Variants in YAF2 observed in about 807,000 individuals in gnomAD.
The protein encoded by YAF2 is YY1 associated factor 2.
Under a neutral mutation model 20.1 loss-of-function variants are expected in YAF2, and 7 were observed. The observed-to-expected ratio is 0.35, with a 90% confidence interval of 0.20 to 0.65. The LOEUF (loss-of-function observed/expected upper bound fraction) is 0.65. YAF2 is among the 30% of genes least tolerant of loss of function. The pLI is 0.69. For missense variants in YAF2, 151 were observed against 219.2 expected, an observed-to-expected ratio of 0.69 and a Z score of 1.96; for synonymous variants, 74 against 76.0, an observed-to-expected ratio of 0.97 and a Z score of 0.14.
At chr12:42,176,211 C>CAAA (rs61068649) in intron 2 of YAF2, among the ~76,000 whole-genome samples, 1 of 89,232 alleles carries the variant, frequency 1.1e-5, no homozygotes, top group African/African-American at 3.7e-5. Context: ...GACTCTGTCT[C>CAAA]AAAAAAAAAA....
chr12:42,235,879 G>C, intron 2 of YAF2: 1 of 1,536,060 alleles, frequency 6.5e-7, no homozygotes, highest in East Asian at 2.4e-5. Flanking sequence ...CCAGGTGCCA[G>C]GTATTCAGCC....
chr12:42,206,536 G>A (rs762768516), intron 2 of YAF2, among the ~76,000 whole-genome samples: 1 of 151,914 alleles, frequency 6.6e-6, no homozygotes, highest in Admixed American at 6.6e-5. Flanking sequence ...TTGAACCCAG[G>A]GGGTGGAGGT....
At chr12:42,165,063 A>G (rs1017456318) in intron 2 of YAF2, among the ~76,000 whole-genome samples, 16 of 142,260 alleles carry the variant, frequency 1.1e-4, no homozygotes, top group Admixed American at 2.8e-4. Flanking sequence ...TTCTGGAACA[A>G]AAAAAAAAAA....
intron 2 of YAF2, among the ~76,000 whole-genome samples, chr12:42,226,463 A>G (rs1179613578): frequency 2.6e-5 from 4 of 152,120 alleles, no homozygotes; most frequent in African/African-American, 9.7e-5. Flanking sequence ...GGAGTTCGAG[A>G]CCAGACTGGG....
chr12:42,214,727 G>T (rs2067305512), intron 2 of YAF2, among the ~76,000 whole-genome samples: 1 of 151,998 alleles, frequency 6.6e-6, no homozygotes, highest in Admixed American at 6.6e-5. Flanking sequence ...GAGCTGGCCA[G>T]GCACAGTGGC....
chr12:42,193,285 A>C (rs1392215449), intron 2 of YAF2, among the ~76,000 whole-genome samples: 4 of 151,506 alleles, frequency 2.6e-5, no homozygotes, highest in African/African-American at 7.3e-5. Flanking sequence ...GCTGCACCCC[A>C]GCCTGGGCGA....
At chr12:42,210,049 T>A (rs963824628) in intron 2 of YAF2, among the ~76,000 whole-genome samples, 5 of 152,306 alleles carry the variant, frequency 3.3e-5, no homozygotes, top group Admixed American at 6.5e-5. Context: ...CCACCCGCCT[T>A]GGCCTCCAAA....
chr12:42,210,813 A>G (rs2067187195), intron 2 of YAF2: 1 of 752,562 alleles, frequency 1.3e-6, no homozygotes, highest in East Asian at 2.9e-5. Context: ...TTTGCTAAAT[A>G]TAATGTCAGT....
intron 2 of YAF2, among the ~76,000 whole-genome samples, chr12:42,194,331 T>C (rs1046842899): frequency 2.0e-5 from 3 of 152,142 alleles, no homozygotes; most frequent in African/African-American, 4.8e-5. Flanking sequence ...AGCTCTATGA[T>C]ACAAGTTGTG....
intron 3 of YAF2, 120 bp downstream of exon 3, chr12:42,161,493 C>G (rs767595113): frequency 2.0e-5 from 23 of 1,143,036 alleles, no homozygotes; most frequent in African/African-American, 3.2e-5. Flanking sequence ...TTTCCTGATA[C>G]CTTATAATAA....
At chr12:42,222,429 C>T (rs1407250287) in intron 2 of YAF2, among the ~76,000 whole-genome samples, 3 of 152,118 alleles carry the variant, frequency 2.0e-5, no homozygotes, top group Non-Finnish European at 4.4e-5. Context: ...AATCCAACAA[C>T]CCAGGTTTCA....
intron 2 of YAF2, among the ~76,000 whole-genome samples, chr12:42,183,841 G>A (rs1278124315): frequency 3.9e-5 from 6 of 152,208 alleles, no homozygotes; most frequent in Admixed American, 3.3e-4. Context: ...AGCTAGAGAC[G>A]AAAAGTCAAT....
intron 2 of YAF2, among the ~76,000 whole-genome samples, chr12:42,193,701 G>T (rs994647120): frequency 4.6e-5 from 7 of 152,024 alleles, no homozygotes; most frequent in African/African-American, 1.7e-4. Flanking sequence ...ACAGGGTTTT[G>T]CCCTGTTGCC....
chr12:42,222,721 T>C (rs531261012), intron 2 of YAF2, among the ~76,000 whole-genome samples: 156 of 152,302 alleles, frequency 1.0e-3, no homozygotes, highest in African/African-American at 3.5e-3. Context: ...TTATTGGTTA[T>C]ATTGGCAATG....
intron 2 of YAF2, among the ~76,000 whole-genome samples, chr12:42,220,595 G>C (rs2067484031): frequency 6.6e-6 from 1 of 152,104 alleles, no homozygotes; most frequent in Admixed American, 6.6e-5. Flanking sequence ...AAATCACTTT[G>C]CCTACTCCAC....
At chr12:42,176,838 G>C (rs933504710) in intron 2 of YAF2, among the ~76,000 whole-genome samples, 1 of 152,088 alleles carries the variant, frequency 6.6e-6, no homozygotes, top group Non-Finnish European at 1.5e-5. Flanking sequence ...GTGGTGCTGG[G>C]CGTCTGTAAT....
intron 2 of YAF2, among the ~76,000 whole-genome samples, chr12:42,225,749 C>T (rs2067671857): frequency 1.3e-5 from 2 of 152,140 alleles, no homozygotes; most frequent in South Asian, 4.1e-4. Flanking sequence ...GTCTGTTTTG[C>T]TACCAGTACC....
At chr12:42,201,255 C>A (rs961608954) in intron 2 of YAF2, among the ~76,000 whole-genome samples, 8 of 152,178 alleles carry the variant, frequency 5.3e-5, no homozygotes, top group Admixed American at 3.3e-4. Flanking sequence ...TAATCAACTG[C>A]TAGATAACAG....
intron 2 of YAF2, among the ~76,000 whole-genome samples, chr12:42,211,567 T>C (rs1318788806): frequency 6.7e-6 from 1 of 148,860 alleles, no homozygotes; most frequent in Non-Finnish European, 1.5e-5. Context: ...TAAAACCCCA[T>C]AACCCCATCT....
Sources: allele counts gnomAD v4.1 joint callset (sites outside exome capture counted in the v4.1 genomes callset), GRCh38; gene constraint gnomAD v4.1.1; transcripts MANE v1.5; gene names NCBI Gene and HGNC (gene_info 2026-07-23, HGNC 2026-07-21).